SEZ6L: variants seen among roughly 807,000 people sequenced by gnomAD.
SEZ6L encodes the protein seizure 6-like protein.
In SEZ6L, 37 loss-of-function variants were observed where a neutral mutation model predicts 106.2. The ratio of observed to expected loss-of-function variants is 0.35; its 90% CI spans 0.27 to 0.46. The LOEUF (loss-of-function observed/expected upper bound fraction) is 0.46. Ranked by LOEUF, SEZ6L falls within the 20% of genes least tolerant of loss-of-function variation. SEZ6L has a pLI of 1.00. For missense variants in SEZ6L, 1,172 were observed against 1,332.8 expected (o/e 0.88, Z 1.88); for synonymous variants, 541 against 570.4 (o/e 0.95, Z 0.73).
intron 5 of SEZ6L, among the ~76,000 whole-genome samples, chr22:26,300,623 A>G (rs545718365): frequency 6.2e-4 from 95 of 152,302 alleles, no homozygotes; most frequent in Non-Finnish European, 1.1e-3. Flanking sequence ...ATACGTGTGC[A>G]TGTGTCTTTA....
intron 5 of SEZ6L, 145 bp from the exon 6 acceptor site, chr22:26,305,834 A>T: frequency 1.2e-6 from 1 of 858,630 alleles, no homozygotes; most frequent in Non-Finnish European, 1.7e-6. Flanking sequence ...CTGATGTTTC[A>T]TCCTGGGCAA....
intron 12 of SEZ6L, among the ~76,000 whole-genome samples, chr22:26,353,121 C>T (rs1054538952): frequency 2.6e-5 from 4 of 152,198 alleles, no homozygotes; most frequent in East Asian, 1.9e-4. Flanking sequence ...GACCACACAG[C>T]CCTGTGTCTC....
intron 2 of SEZ6L, 58 bp from the exon 3 acceptor site, chr22:26,294,234 A>G: frequency 2.5e-6 from 4 of 1,591,082 alleles, no homozygotes; most frequent in Middle Eastern, 1.7e-4. Flanking sequence ...CCCACAGCCC[A>G]TGGTTGAGCT....
In SEZ6L at chr22:26,224,299, G is replaced by A. The variant is rs572830265; in HGVS notation, c.94+54536G>A. ...ATTTGAGGAAACCTATTACTCCAAC[G>A]AGGGGTATGGGGCAGAAGGAGACCT... On this transcript the variant is annotated intron_variant, in intron 1 of 16. Transcript: ENST00000248933. Among the ~76,000 whole-genome samples the A allele has an allele frequency of 4.6e-5, 7 of 152,306 alleles. 1 individual carries two copies. In the East Asian group the frequency reaches 1.4e-3, roughly 29 times the overall value.
chr22:26,251,502 G>A (rs562001185), intron 1 of SEZ6L, among the ~76,000 whole-genome samples: 1 of 152,348 alleles, frequency 6.6e-6, no homozygotes, highest in East Asian at 1.9e-4. Context: ...GCATGTCCCA[G>A]AAGCTACTTC....
intron 9 of SEZ6L, 133 bp downstream of exon 9, chr22:26,314,035 G>T: frequency 5.1e-6 from 4 of 781,594 alleles, no homozygotes; most frequent in Admixed American, 2.1e-5. Context: ...CAGAGAACAG[G>T]CATTCCCATA....
chr22:26,294,725 CACACA>C (rs1214426927), intron 3 of SEZ6L, among the ~76,000 whole-genome samples: 1 of 55,312 alleles, frequency 1.8e-5, no homozygotes, highest in Non-Finnish European at 4.2e-5. Context: ...TGCATAAACA[CACACA>C]CACACACACA....
intron 14 of SEZ6L, among the ~76,000 whole-genome samples, chr22:26,374,995 A>G (rs1400950956): frequency 2.0e-5 from 3 of 152,126 alleles, no homozygotes; most frequent in Non-Finnish European, 4.4e-5. Flanking sequence ...CGTGGACTGG[A>G]GAGTAGAACT....
At chr22:26,345,530 C>CA (rs2082979140) in intron 10 of SEZ6L, among the ~76,000 whole-genome samples, 1 of 152,156 alleles carries the variant, frequency 6.6e-6, no homozygotes, top group African/African-American at 2.4e-5. Flanking sequence ...AGCTGTGTCC[C>CA]AAATCCAGGG....
chr22:26,241,641 C>CA (rs1317904239), intron 1 of SEZ6L, among the ~76,000 whole-genome samples: 1 of 152,182 alleles, frequency 6.6e-6, no homozygotes, highest in Admixed American at 6.5e-5. Flanking sequence ...CCACTAATCT[C>CA]ACTGCACCTG....
rs761138320 is a variant in SEZ6L at position 26,340,589 on chromosome 22, C to G, written c.2169C>G (p.Gly723=). ...LTIQFHSDPA[G]LIFGKGQGFI... ...TCCAGTTCCATTCGGACCCTGCTGG[C>G]CTCATCTTTGGAAAGGGCCAGGGAT... The change falls in exon 10 of 17, where the codon GGC becomes GGG. Residue 723 remains glycine, a synonymous_variant. Transcript: ENST00000248933. The G allele has an allele frequency of 3.1e-6, 5 of 1,614,136 alleles. No individual in the cohort carries two copies. In the South Asian group the frequency reaches 3.3e-5, roughly 11 times the overall value.
At chr22:26,190,417 G>A (rs1940113862) in intron 1 of SEZ6L, among the ~76,000 whole-genome samples, 2 of 152,098 alleles carry the variant, frequency 1.3e-5, no homozygotes, top group East Asian at 3.9e-4. Flanking sequence ...ACTTTTGGAG[G>A]ACATACTGTA....
At chr22:26,223,445 G>A (rs1045621227) in intron 1 of SEZ6L, among the ~76,000 whole-genome samples, 1 of 152,242 alleles carries the variant, frequency 6.6e-6, no homozygotes, top group South Asian at 2.1e-4. Context: ...TTATATTGTA[G>A]AGTAAATTGG....
chr22:26,356,766 G>A (rs2083450573), intron 12 of SEZ6L, among the ~76,000 whole-genome samples: 1 of 151,908 alleles, frequency 6.6e-6, no homozygotes, highest in Admixed American at 6.6e-5. Flanking sequence ...GATCAGATGG[G>A]ACTTCGCCAC....
In SEZ6L at chr22:26,254,373, G is replaced by A. The variant is rs903200406; in HGVS notation, c.95-38033G>A. On this transcript the variant is annotated intron_variant, in intron 1 of 16. Transcript: ENST00000248933. ...AGGAGAAGTGAGGAAGGAAAGGGAC[G>A]GAAGAGGGAGAAGGGGAAGCAGAAA... Among the ~76,000 whole-genome samples, 15 of 152,040 alleles carry A rather than the reference G, an allele frequency of 9.9e-5. No individual in the cohort carries two copies. In the South Asian group the frequency reaches 1.7e-3, roughly 17 times the overall value.
At chr22:26,242,658 C>A (rs1210056689) in intron 1 of SEZ6L, 1 of 152,128 alleles carries the variant, frequency 6.6e-6, no homozygotes, top group Non-Finnish European at 1.5e-5. Context: ...GATGCTGGGG[C>A]CTCGGATTAA....
chr22:26,231,687 C>T (rs978165285), intron 1 of SEZ6L, among the ~76,000 whole-genome samples: 2 of 152,220 alleles, frequency 1.3e-5, no homozygotes, highest in Non-Finnish European at 2.9e-5. Flanking sequence ...GCCCAGGAGA[C>T]AGATCATTCA....
intron 9 of SEZ6L, among the ~76,000 whole-genome samples, chr22:26,334,714 G>T (rs1601530799): frequency 6.6e-6 from 1 of 152,194 alleles, no homozygotes; most frequent in Non-Finnish European, 1.5e-5. Context: ...GGTGGATGTA[G>T]AGGGGGAGAT....
chr22:26,193,999 A>G (rs1301765261), intron 1 of SEZ6L, among the ~76,000 whole-genome samples: 2 of 152,216 alleles, frequency 1.3e-5, no homozygotes, highest in African/African-American at 2.4e-5. Flanking sequence ...GGGATAAGAC[A>G]CAGAAGTCCA....
Sources: allele counts gnomAD v4.1 joint callset (sites outside exome capture counted in the v4.1 genomes callset), GRCh38; gene constraint gnomAD v4.1.1; transcripts MANE v1.5; gene names NCBI Gene and HGNC (gene_info 2026-07-23, HGNC 2026-07-21).